The following USP25 variants were observed in gnomAD, a reference collection of about 807,000 sequenced individuals.
USP25 encodes the protein ubiquitin carboxyl-terminal hydrolase 25.
USP25 carries 85 observed loss-of-function variants against 158.5 expected under a neutral mutation model. The ratio of observed to expected loss-of-function variants is 0.54; its 90% confidence interval spans 0.45 to 0.64. USP25 has a LOEUF of 0.64. Ranked by LOEUF, USP25 falls within the 30% of genes least tolerant of loss-of-function variation. The probability of loss-of-function intolerance (pLI) is 0.00; values close to 1 mark genes in which losing one functional copy is unlikely to be tolerated. For missense variants in USP25, 1,242 were observed against 1,327.3 expected, an observed-to-expected ratio of 0.94 and a Z score of 1.00; for synonymous variants, 464 against 460.4, an observed-to-expected ratio of 1.01 and a Z score of -0.10.
At chr21:15,784,004 G>T (rs1568799874) in intron 4 of USP25, among the ~76,000 whole-genome samples, 1 of 151,882 alleles carries the variant, frequency 6.6e-6, no homozygotes, top group Non-Finnish European at 1.5e-5. Context: ...AAATAGAGAC[G>T]TTTCCAGACA....
chr21:15,745,513 T>C (rs1162412520), intron 1 of USP25, among the ~76,000 whole-genome samples: 5 of 149,562 alleles, frequency 3.3e-5, no homozygotes, highest in Non-Finnish European at 7.4e-5. Context: ...TTCACTCTTA[T>C]TGCCCAGGCT....
At position 15,766,202 on chromosome 21, in the gene USP25, G is replaced by T. The variant is rs1483725041; in HGVS notation, c.268+61G>T. ...AACATACTGAAAAACTTTTCTTGGT[G>T]TAATATATTAATGTTGCTTAAGGAG... On this transcript the variant is annotated intron_variant, in intron 3 of 25. Coordinates refer to ENST00000400183, the MANE Select transcript of USP25 (RefSeq NM_001283041.3). The surrounding 1 kb of genome is among the most constrained non-coding windows in gnomAD (Gnocchi z 4.0). The T allele has an allele frequency of 2.0e-6, 3 of 1,492,954 alleles. No homozygotes were observed. Among genetic ancestry groups the T allele is most frequent in the Non-Finnish European group, 2.7e-6 (3 of 1,124,844 alleles). The allele number at this position is 1,492,954 out of a possible 1,614,324, so 92.5% of individuals were successfully genotyped here. A position where few individuals can be genotyped will look rare whatever the true frequency, so the allele number is the denominator to read the frequency against.
chr21:15,795,844 C>G (rs2035835982), intron 5 of USP25, among the ~76,000 whole-genome samples: 2 of 151,434 alleles, frequency 1.3e-5, no homozygotes, highest in South Asian at 4.2e-4. Context: ...TTTTTCAATC[C>G]CTGCCTCACC....
At chr21:15,732,294 ATAT>A (rs1165338141) in intron 1 of USP25, among the ~76,000 whole-genome samples, 2 of 152,152 alleles carry the variant, frequency 1.3e-5, no homozygotes, top group African/African-American at 4.8e-5. Flanking sequence ...TACTTCCATA[ATAT>A]TTAGATTGTT....
At chr21:15,763,407 G>A (rs2033851909) in intron 2 of USP25, among the ~76,000 whole-genome samples, 1 of 152,092 alleles carries the variant, frequency 6.6e-6, no homozygotes, top group Admixed American at 6.5e-5. Flanking sequence ...ATATAAATTT[G>A]CACCCATTCA....
intron 5 of USP25, among the ~76,000 whole-genome samples, chr21:15,797,373 G>T (rs909878559): frequency 6.6e-6 from 1 of 151,304 alleles, no homozygotes; most frequent in Non-Finnish European, 1.5e-5. Context: ...CCTAAAAGTT[G>T]CAAGGTGGAA....
In USP25 at chr21:15,816,988, C is replaced by T. The variant is rs776743793; in HGVS notation, c.932-1710C>T. On this transcript the variant is annotated intron_variant, in intron 9 of 25. Coordinates refer to ENST00000400183, the MANE Select transcript of USP25 (RefSeq NM_001283041.3). The surrounding 1 kb of genome is among the most constrained non-coding windows in gnomAD (Gnocchi z 4.0). The stretch of plus-strand genomic sequence containing the variant: ...CTCTACTGAAAATACAAAAATTAGT[C>T]GGGTGTGGTGGTGGGCGCCTGTAAT... Among the ~76,000 whole-genome samples, 15 of 151,764 alleles carry T rather than the reference C, an allele frequency of 9.9e-5. No homozygotes were observed. Among genetic ancestry groups the T allele is most frequent in the Non-Finnish European group, 1.8e-4 (12 of 67,924 alleles).
rs541081227 is a variant in USP25 at position 15,745,712 on chromosome 21, G to T, written c.45+15274G>T. On this transcript the variant is annotated intron_variant, in intron 1 of 25. Transcript: ENST00000400183. The stretch of plus-strand genomic sequence containing the variant: ...CCTGGTCTCGAACTCGCGACCTCAG[G>T]TGATCCGCCCGCCTCGGTCTCCCAA... Among the ~76,000 whole-genome samples, 6 of 152,210 alleles carry T rather than the reference G, an allele frequency of 3.9e-5. No individual in the cohort carries two copies. The East Asian group carries it at 1.2e-3, about 29-fold the overall frequency.
At chr21:15,739,742 T>C (rs955177021) in intron 1 of USP25, among the ~76,000 whole-genome samples, 1 of 152,156 alleles carries the variant, frequency 6.6e-6, no homozygotes, top group African/African-American at 2.4e-5. Context: ...TAATCACTGA[T>C]TTTTGTTATG....
intron 1 of USP25, among the ~76,000 whole-genome samples, chr21:15,751,644 A>G (rs1268000981): frequency 1.3e-5 from 2 of 152,354 alleles, no homozygotes; most frequent in African/African-American, 4.8e-5. Context: ...TTGATTCATA[A>G]AAGTTTTGTT....
At chr21:15,784,614 A>C (rs1213599946) in intron 4 of USP25, among the ~76,000 whole-genome samples, 1 of 152,064 alleles carries the variant, frequency 6.6e-6, no homozygotes, top group Non-Finnish European at 1.5e-5. Context: ...CAATCAAAAC[A>C]CTAATCATGG....
chr21:15,872,014 GTTTTTTTTT>G (rs1158862222), intron 23 of USP25, among the ~76,000 whole-genome samples: 2 of 71,642 alleles, frequency 2.8e-5, no homozygotes, highest in Admixed American at 3.3e-4. Flanking sequence ...AAGAAATACT[GTTTTTTTTT>G]TTTTTTTTTT....
In USP25 at chr21:15,831,403, T is replaced by C. The variant is rs778318886; in HGVS notation, c.1767T>C (p.Val589=). 3.2e-5 allele frequency: 52 copies of C among 1,613,944 alleles called. No individual in the cohort carries two copies. The South Asian group carries it at 5.4e-4, about 17-fold the overall frequency. ...ACTCTTCTTTTTTTCACATTTAGGT[T>C]CCTTATCGATTACATGCCGTTTTAG... ...LMYSDKSMIQ[V]PYRLHAVLVH... The change falls in exon 16 of 26, where the codon GTT becomes GTC. Residue 589 remains valine, a splice_region_variant and synonymous_variant. Coordinates refer to ENST00000400183, the MANE Select transcript of USP25 (RefSeq NM_001283041.3).
chr21:15,743,276 T>C (rs1483166547), intron 1 of USP25, among the ~76,000 whole-genome samples: 3 of 152,184 alleles, frequency 2.0e-5, no homozygotes, highest in Non-Finnish European at 4.4e-5. Flanking sequence ...TGCCCACAGC[T>C]CCAGGAGCCA....
At chr21:15,813,153 T>G (rs968695532) in intron 9 of USP25, among the ~76,000 whole-genome samples, 1 of 152,338 alleles carries the variant, frequency 6.6e-6, no homozygotes, top group Middle Eastern at 3.4e-3. Context: ...ATCATGAATT[T>G]GAGTGATACT....
intron 1 of USP25, among the ~76,000 whole-genome samples, chr21:15,761,270 T>C (rs922280678): frequency 3.3e-5 from 5 of 152,166 alleles, no homozygotes; most frequent in Non-Finnish European, 5.9e-5. Context: ...GGGTTTACAC[T>C]GTTGTTACAG....
At chr21:15,808,203 A>G (rs1201923413) in intron 7 of USP25, among the ~76,000 whole-genome samples, 1 of 152,200 alleles carries the variant, frequency 6.6e-6, no homozygotes, top group African/African-American at 2.4e-5. Flanking sequence ...TATTGAAAGA[A>G]TTATGGTAGT....
intron 17 of USP25, among the ~76,000 whole-genome samples, chr21:15,837,604 T>C (rs1171443005): frequency 6.6e-6 from 1 of 152,198 alleles, no homozygotes; most frequent in Admixed American, 6.5e-5. Flanking sequence ...GAAATTATGC[T>C]GGAGAGAAGA....
chr21:15,871,931 T>C (rs566708290), intron 23 of USP25, among the ~76,000 whole-genome samples: 14 of 145,284 alleles, frequency 9.6e-5, no homozygotes, highest in Admixed American at 8.5e-4. Flanking sequence ...GCGGAGGTTG[T>C]GGTGAGCCAA....
Sources: gnomAD v4.1 joint callset for allele counts (sites outside exome capture counted in the v4.1 genomes callset) on GRCh38, gnomAD v4.1.1 for gene constraint, Gnocchi (gnomAD v3.1) non-coding constraint, MANE v1.5 for transcripts, NCBI Gene and HGNC (gene_info 2026-07-23, HGNC 2026-07-21) for gene names.